Variants in TBC1D2B observed in about 807,000 individuals in gnomAD.
TBC1D2B encodes the protein TBC1 domain family member 2B, also known as TBC1 domain family, member 2B.
Under a neutral mutation model 100.8 loss-of-function variants are expected in TBC1D2B, and 64 were observed. The observed-to-expected ratio is 0.64, with a 90% confidence interval of 0.52 to 0.78. TBC1D2B has a LOEUF of 0.78. Among genes scored for constraint, TBC1D2B ranks in the 30% least tolerant of loss-of-function variants. The pLI is 0.00. For synonymous variants in TBC1D2B, 480 were observed against 479.7 expected (o/e 1.00, Z -0.01); for missense variants, 1,052 against 1,218.4 (o/e 0.86, Z 2.03).
chr15:78,019,704 A>G lies in TBC1D2B; in HGVS notation c.1471-1747T>C, dbSNP rs866797384. On this transcript the variant is annotated intron_variant, in intron 6 of 12. Coordinates refer to ENST00000300584, the MANE Select transcript of TBC1D2B (RefSeq NM_144572.2). ...GGAGTTTGAGACCAGCCTGGCTAAC[A>G]TGGCGAAACCCTGTCTCTACTAAAA... Among the ~76,000 whole-genome samples, 4 of 148,488 alleles carry G rather than the reference A, an allele frequency of 2.7e-5. No individual in the cohort carries two copies. In the South Asian group the frequency reaches 6.5e-4, roughly 24 times the overall value.
At chr15:78,013,729 T>TA (rs113548464) in intron 8 of TBC1D2B, among the ~76,000 whole-genome samples, 5 of 151,572 alleles carry the variant, frequency 3.3e-5, no homozygotes, top group South Asian at 2.1e-4. Context: ...TTTAAAAGAT[T>TA]AAAAAAAAAC....
chr15:78,068,381 ACC>A (rs1026875065), intron 1 of TBC1D2B, among the ~76,000 whole-genome samples: 43 of 130,544 alleles, frequency 3.3e-4, no homozygotes, highest in African/African-American at 8.7e-4. Flanking sequence ...CACACACCAC[ACC>A]CACACACACA....
Position 78,001,633 on chromosome 15 carries a change from A to G in TBC1D2B, c.2682T>C (p.Thr894=). The stretch of plus-strand genomic sequence containing the variant: ...CCAGGACTCACCTAGCATCAAGGAT[A>G]GTGCGAGTGAAGTAGCGGAGATACT... ...IFKYLRYFTR[T]ILDARKLISI... The change falls in exon 12 of 13, where the codon ACT becomes ACC. Residue 894 remains threonine (T), a synonymous_variant. Coordinates refer to ENST00000300584, the MANE Select transcript of TBC1D2B (RefSeq NM_144572.2). 6.2e-7 allele frequency: 1 copy of G among 1,609,584 alleles called. No individual in the cohort carries two copies. The highest frequency in any genetic ancestry group is 8.5e-7 in the Non-Finnish European group (1 of 1,177,970).
intron 4 of TBC1D2B, 84 bp downstream of exon 4, chr15:78,029,923 C>A: frequency 8.6e-7 from 1 of 1,167,692 alleles, no homozygotes; most frequent in East Asian, 2.6e-5. Flanking sequence ...TCTCGAAATA[C>A]CTGCTAATAA....
chr15:78,038,129 A>G (rs1364868744), intron 3 of TBC1D2B, among the ~76,000 whole-genome samples: 1 of 152,156 alleles, frequency 6.6e-6, no homozygotes, highest in Non-Finnish European at 1.5e-5. Context: ...AAGGGTCTGG[A>G]GCCTTCCCTC....
At chr15:78,016,521 C>G (rs62011477) in intron 8 of TBC1D2B, 25 bp downstream of exon 8, 5 of 1,607,350 alleles carry the variant, frequency 3.1e-6, no homozygotes, top group Non-Finnish European at 4.2e-6. Flanking sequence ...GGTGCACTAC[C>G]CTCAACAGTC....
At chr15:78,020,237 C>T (rs2141680480) in intron 6 of TBC1D2B, among the ~76,000 whole-genome samples, 1 of 152,228 alleles carries the variant, frequency 6.6e-6, no homozygotes, top group Admixed American at 6.5e-5. Context: ...GGCAGGTCAG[C>T]CAAAGGAAAG....
intron 10 of TBC1D2B, among the ~76,000 whole-genome samples, chr15:78,003,765 C>A (rs2071983761): frequency 6.6e-6 from 1 of 152,316 alleles, no homozygotes; most frequent in Admixed American, 6.5e-5. Context: ...CCAACTCCTG[C>A]ACTCAAAATG....
chr15:78,048,259 A>C (rs563631436), intron 2 of TBC1D2B, among the ~76,000 whole-genome samples: 1 of 152,362 alleles, frequency 6.6e-6, no homozygotes, highest in Non-Finnish European at 1.5e-5. Flanking sequence ...TTTCCAGCTT[A>C]ATACATTTTT....
intron 10 of TBC1D2B, among the ~76,000 whole-genome samples, chr15:78,004,555 C>T (rs1179218527): frequency 6.6e-6 from 1 of 152,234 alleles, no homozygotes; most frequent in Non-Finnish European, 1.5e-5. Context: ...CATCTTCAAC[C>T]ATCACCCACT....
chr15:78,024,198 A>C lies in TBC1D2B; in HGVS notation c.1428T>G (p.Val476=). ...CCAGCTGGTCCCTGGCAACAGGCACAACCGAAGGGGAGCTGGGCGCCACGG... is the reference window on the plus strand; with the variant it reads ...CCAGCTGGTCCCTGGCAACAGGCACCACCGAAGGGGAGCTGGGCGCCACGG... ...PPTVAPSSPS[V]VPVARDQLEL... Residue 476 remains valine (V), a synonymous_variant, in exon 6 of 13, where the codon GTT becomes GTG. Coordinates refer to ENST00000300584, the MANE Select transcript of TBC1D2B (RefSeq NM_144572.2). 1 of 1,613,762 alleles carries C rather than the reference A, an allele frequency of 6.2e-7. No homozygotes were observed. Among genetic ancestry groups the C allele is most frequent in the Non-Finnish European group, 8.5e-7 (1 of 1,179,874 alleles).
chr15:77,997,533 G>A lies in TBC1D2B; in HGVS notation c.*627C>T, dbSNP rs1420739846. The A allele has an allele frequency of 1.3e-5, 2 of 152,328 alleles. No homozygotes were observed. The highest frequency in any genetic ancestry group is 4.8e-5 in the African/African-American group (2 of 41,470). 9.4% of individuals were successfully genotyped at this position (152,328 alleles called of 1,614,324 possible). ...GCAGGCTGGAAGACACTGATGGAAG[G>A]GTTGCGTGTGGAAGAGCAAAGGCTA... On this transcript the variant is annotated 3_prime_UTR_variant, in exon 13 of 13. Coordinates refer to ENST00000300584, the MANE Select transcript of TBC1D2B (RefSeq NM_144572.2).
chr15:78,032,887 T>C (rs4886992), intron 3 of TBC1D2B, among the ~76,000 whole-genome samples: 21,728 of 152,028 alleles, frequency 0.14, 1,828 homozygotes, highest in Non-Finnish European at 0.19. Context: ...GATGGACCAA[T>C]GAGTCGGTCA....
chr15:77,999,382 CACT>C (rs2071850479), intron 12 of TBC1D2B: 3 of 435,494 alleles, frequency 6.9e-6, no homozygotes, highest in South Asian at 4.7e-5. Context: ...TCAAAACACC[CACT>C]ACTACCTGGA....
chr15:78,033,352 C>T (rs2141727187), intron 3 of TBC1D2B, among the ~76,000 whole-genome samples: 1 of 152,230 alleles, frequency 6.6e-6, no homozygotes, highest in Admixed American at 6.5e-5. Flanking sequence ...TACGAAAACA[C>T]CAAACAATAT....
In TBC1D2B at chr15:78,072,302, T is replaced by C. The variant is rs954292726; in HGVS notation, c.360+4991A>G. The stretch of plus-strand genomic sequence containing the variant: ...GAGGCAGTGGGAGAGGGAGACGGAA[T>C]GCCACTGTGATATCACAAGCACAAT... On this transcript the variant is annotated intron_variant, in intron 1 of 12. Coordinates refer to ENST00000300584, the MANE Select transcript of TBC1D2B (RefSeq NM_144572.2). 5.3e-5 allele frequency among the ~76,000 whole-genome samples: 8 copies of C among 152,302 alleles called. No homozygotes were observed. In the East Asian group the frequency reaches 1.5e-3, roughly 29 times the overall value.
Sources: allele counts gnomAD v4.1 joint callset (sites outside exome capture counted in the v4.1 genomes callset), GRCh38; gene constraint gnomAD v4.1.1; transcripts MANE v1.5; gene names NCBI Gene and HGNC (gene_info 2026-07-23, HGNC 2026-07-21).